The following NIPSNAP1 variants were observed in gnomAD, a reference collection of about 807,000 sequenced individuals.
NIPSNAP1 encodes protein NipSnap homolog 1.
Under a neutral mutation model 49.2 loss-of-function variants are expected in NIPSNAP1, and 25 were observed. The ratio of observed to expected loss-of-function variants is 0.51; its 90% CI spans 0.37 to 0.71. The LOEUF is 0.71. NIPSNAP1 is among the 30% of genes least tolerant of loss of function. The probability of loss-of-function intolerance (pLI) is 0.00; values close to 1 mark genes in which losing one functional copy is unlikely to be tolerated. For missense variants in NIPSNAP1, 294 were observed against 361.0 expected (o/e 0.81, Z 1.50); for synonymous variants, 143 against 140.7 (o/e 1.02, Z -0.12).
At chr22:29,565,653 T>C (rs1392391390) in intron 4 of NIPSNAP1, among the ~76,000 whole-genome samples, 1 of 152,126 alleles carries the variant, frequency 6.6e-6, no homozygotes, top group Non-Finnish European at 1.5e-5. Context: ...TGGCTGAAAC[T>C]GAAGGCAATT....
intron 4 of NIPSNAP1, among the ~76,000 whole-genome samples, chr22:29,568,419 G>GT (rs2064383159): frequency 6.7e-6 from 1 of 149,990 alleles, no homozygotes; most frequent in African/African-American, 2.5e-5. Flanking sequence ...GGAGGTGGAG[G>GT]TTGCAGTCAG....
intron 1 of NIPSNAP1, chr22:29,580,073 G>T: frequency 7.7e-7 from 1 of 1,303,120 alleles, no homozygotes; most frequent in Non-Finnish European, 1.0e-6. Context: ...TTCACAGGTT[G>T]GGGGAGGGGG....
intron 4 of NIPSNAP1, 87 bp from the exon 5 acceptor site, chr22:29,561,949 G>T: frequency 8.2e-7 from 1 of 1,213,398 alleles, no homozygotes; most frequent in Non-Finnish European, 1.2e-6. Flanking sequence ...GTGGGGACGG[G>T]GGAGGCGGGG....
At chr22:29,580,914 G>C in intron 1 of NIPSNAP1, 71 bp downstream of exon 1, 8 of 1,204,022 alleles carry the variant, frequency 6.6e-6, no homozygotes, top group Non-Finnish European at 6.6e-6. Flanking sequence ...CCTCCCCCAC[G>C]ACCCAGTCCC....
intron 1 of NIPSNAP1, among the ~76,000 whole-genome samples, chr22:29,574,289 A>AAAAAAGAAAGAAAAAG (rs2064434492): frequency 2.1e-4 from 26 of 125,282 alleles, no homozygotes; most frequent in African/African-American, 7.9e-4. Context: ...AAAAAAAAAA[A>AAAAAAGAAAGAAAAAG]AAAGAAAGAA....
At chr22:29,566,724 T>G (rs1429204456) in intron 4 of NIPSNAP1, among the ~76,000 whole-genome samples, 1 of 152,028 alleles carries the variant, frequency 6.6e-6, no homozygotes, top group Non-Finnish European at 1.5e-5. Context: ...CTTGGGAGGC[T>G]GAGGTGAGAG....
rs1490793782 is a variant in NIPSNAP1 at position 29,555,848 on chromosome 22, C to A, written c.*87G>T. The A allele has an allele frequency of 7.7e-7, 1 of 1,306,976 alleles. No individual in the cohort carries two copies. Among genetic ancestry groups the A allele is most frequent in the Non-Finnish European group, 1.1e-6 (1 of 924,174 alleles). 81.0% of individuals were successfully genotyped at this position (1,306,976 alleles called of 1,614,324 possible). ...CCTCAGAGTCCTCCCAGAGCCAAGACAAAACCAAGACAGCAGGACCAGGAG... is the reference window on the plus strand; with the variant it reads ...CCTCAGAGTCCTCCCAGAGCCAAGAAAAAACCAAGACAGCAGGACCAGGAG... On this transcript the variant is annotated 3_prime_UTR_variant, in exon 10 of 10. Coordinates refer to ENST00000216121, the MANE Select transcript of NIPSNAP1 (RefSeq NM_003634.4).
In NIPSNAP1 at chr22:29,578,375, T is replaced by G. The variant is rs201546935; in HGVS notation, c.98+2610A>C. ...TTTATAGAGACAGGATCTCGCCATG[T>G]TGCCCAGGCTGGTCTCAAACTCCTG... On this transcript the variant is annotated intron_variant, in intron 1 of 9. Transcript: ENST00000216121. Among the ~76,000 whole-genome samples the G allele has an allele frequency of 5.9e-5, 9 of 151,272 alleles. No homozygotes were observed. The East Asian group carries it at 1.7e-3, about 29-fold the overall frequency.
chr22:29,569,130 G>T, intron 4 of NIPSNAP1, 63 bp downstream of exon 4: 1 of 1,354,914 alleles, frequency 7.4e-7, no homozygotes, highest in Non-Finnish European at 1.0e-6. Context: ...ACAGCCAGGT[G>T]TGAAAGGTGC....
chr22:29,570,188 T>C lies in NIPSNAP1; in HGVS notation c.246A>G (p.Glu82=). 1 of 1,613,884 alleles carries C rather than the reference T, an allele frequency of 6.2e-7. No homozygotes were observed. The highest frequency in any genetic ancestry group is 8.5e-7 in the Non-Finnish European group (1 of 1,179,988). ...TGAGGCTGTTGTAGGCATCCAGGTA[T>C]TCAGGCTTTACATTGTGAACTGCAA... is the stretch of plus-strand genomic sequence containing the variant. ...YKIQFHNVKP[E]YLDAYNSLTE... The change falls in exon 3 of 10, where the codon GAA becomes GAG. Residue 82 remains glutamate, a synonymous_variant. Coordinates refer to ENST00000216121, the MANE Select transcript of NIPSNAP1 (RefSeq NM_003634.4).
At chr22:29,563,158 C>T (rs898011295) in intron 4 of NIPSNAP1, among the ~76,000 whole-genome samples, 1 of 151,154 alleles carries the variant, frequency 6.6e-6, no homozygotes, top group Admixed American at 6.6e-5. Flanking sequence ...CCCAGTTACT[C>T]GGGAGGCTGA....
chr22:29,560,680 G>A (rs1189030695), intron 8 of NIPSNAP1, 54 bp downstream of exon 8: 2 of 1,411,282 alleles, frequency 1.4e-6, no homozygotes, highest in African/African-American at 2.8e-5. Flanking sequence ...GCTACAGAGA[G>A]TGATGACAGA....
intron 9 of NIPSNAP1, among the ~76,000 whole-genome samples, 168 bp downstream of exon 9, chr22:29,558,702 G>A (rs2064313153): frequency 6.6e-6 from 1 of 152,034 alleles, no homozygotes; most frequent in Non-Finnish European, 1.5e-5. Flanking sequence ...ACCTAGGCCT[G>A]CTGGTATCCT....
At chr22:29,568,402 C>G (rs1287975294) in intron 4 of NIPSNAP1, among the ~76,000 whole-genome samples, 1 of 149,088 alleles carries the variant, frequency 6.7e-6, no homozygotes, top group Non-Finnish European at 1.5e-5. Flanking sequence ...AGAATATCTT[C>G]AACTCAGGAG....
intron 9 of NIPSNAP1, among the ~76,000 whole-genome samples, chr22:29,558,499 ATAATAAAATAGT>A (rs2064311474): frequency 6.6e-6 from 1 of 151,984 alleles, no homozygotes; most frequent in East Asian, 1.9e-4. Context: ...AAAATATAAA[ATAATAAAATAGT>A]TTGTAGAATC....
At chr22:29,564,303 A>C (rs528137594) in intron 4 of NIPSNAP1, 9 of 470,582 alleles carry the variant, frequency 1.9e-5, no homozygotes, top group Non-Finnish European at 3.5e-5. Context: ...CTATGGTTTA[A>C]AGGTCTTTTT....
At chr22:29,576,446 C>CT (rs2064453210) in intron 1 of NIPSNAP1, among the ~76,000 whole-genome samples, 1 of 151,412 alleles carries the variant, frequency 6.6e-6, no homozygotes, top group Non-Finnish European at 1.5e-5. Flanking sequence ...AGTCTCTAAA[C>CT]TGGAGGCAGC....
intron 4 of NIPSNAP1, among the ~76,000 whole-genome samples, chr22:29,562,551 T>C (rs996347620): frequency 1.8e-4 from 28 of 151,854 alleles, no homozygotes; most frequent in African/African-American, 6.8e-4. Flanking sequence ...ATTAGCCAGG[T>C]GTGGTGGCGC....
chr22:29,572,123 C>A (rs188481844), intron 1 of NIPSNAP1, among the ~76,000 whole-genome samples: 4 of 151,478 alleles, frequency 2.6e-5, no homozygotes, highest in Admixed American at 2.0e-4. Context: ...CCCAGCATGG[C>A]GAAACCCTGT....
Sources: allele counts gnomAD v4.1 joint callset (sites outside exome capture counted in the v4.1 genomes callset), GRCh38; gene constraint gnomAD v4.1.1; transcripts MANE v1.5; gene names NCBI Gene and HGNC (gene_info 2026-07-23, HGNC 2026-07-21).